CASR: variants seen among roughly 807,000 people sequenced by gnomAD.
CASR encodes calcium sensing receptor.
CASR carries 23 observed loss-of-function variants against 69.1 expected under a neutral mutation model. The observed-to-expected ratio is 0.33, with a 90% CI of 0.24 to 0.47. The LOEUF (loss-of-function observed/expected upper bound fraction) is 0.47. CASR is among the 20% of genes least tolerant of loss of function. The pLI is 1.00. For missense variants in CASR, 924 were observed against 1,356.1 expected (o/e 0.68, Z 5.00); for synonymous variants, 541 against 544.7 (o/e 0.99, Z 0.10).
chr3:122,193,955 T>C (rs1305933469), intron 1 of CASR, among the ~76,000 whole-genome samples: 2 of 152,118 alleles, frequency 1.3e-5, no homozygotes, highest in Admixed American at 6.5e-5. Flanking sequence ...TAACCCTCAT[T>C]TAAGTGATGA....
chr3:122,247,248 T>C (rs919775114), intron 1 of CASR: 5 of 152,200 alleles, frequency 3.3e-5, no homozygotes, highest in African/African-American at 9.7e-5. Flanking sequence ...AGGAGGCATA[T>C]GTGCTCCTGT....
chr3:122,191,934 A>G (rs891330612), intron 1 of CASR, among the ~76,000 whole-genome samples: 7 of 152,258 alleles, frequency 4.6e-5, no homozygotes, highest in Non-Finnish European at 7.3e-5. Flanking sequence ...GGAGTGGGGC[A>G]CAATGGAAAC....
At chr3:122,281,584 T>C (rs1310875155) in intron 5 of CASR, among the ~76,000 whole-genome samples, 1 of 152,228 alleles carries the variant, frequency 6.6e-6, no homozygotes, top group Admixed American at 6.5e-5. Flanking sequence ...CAATAGTTTG[T>C]GTTGGATTTC....
In CASR at chr3:122,275,814, C is replaced by T; in HGVS notation, c.1380C>T (p.Val460=). The T allele has an allele frequency of 6.2e-7, 1 of 1,607,634 alleles. No homozygotes were observed. Among genetic ancestry groups the T allele is most frequent in the Non-Finnish European group, 8.5e-7 (1 of 1,174,240 alleles). Residue 460 remains valine, a splice_region_variant and synonymous_variant, in exon 5 of 7, where the codon GTC becomes GTT. Coordinates refer to ENST00000639785, the MANE Select transcript of CASR (RefSeq NM_000388.4). Reference sequence around the variant, plus strand: ...ACTCATTCTTTGCTCCTCTTTAGGTCCTGAAGCACCTACGGCATCTAAACT... The same window carrying T: ...ACTCATTCTTTGCTCCTCTTTAGGTTCTGAAGCACCTACGGCATCTAAACT... ...ADIKKVEAWQ[V]LKHLRHLNFT... is the part of the protein sequence containing the mutation.
chr3:122,289,493 G>A lies in CASR; in HGVS notation c.*4302G>A, dbSNP rs2074993678. ...GGGTAGAACCTGTCACAGGAATAAA[G>A]GTGCATTCCAAGGATCCAAAGAAGA... is the stretch of plus-strand genomic sequence containing the variant. On this transcript the variant is annotated 3_prime_UTR_variant, in exon 7 of 7. Coordinates refer to ENST00000639785, the MANE Select transcript of CASR (RefSeq NM_000388.4). 6.6e-6 allele frequency: 1 copy of A among 152,326 alleles called. No homozygotes were observed. 9.4% of individuals were successfully genotyped at this position (152,326 alleles called of 1,614,324 possible).
chr3:122,228,014 G>T (rs540264194), intron 1 of CASR, among the ~76,000 whole-genome samples: 253 of 152,354 alleles, frequency 1.7e-3, no homozygotes, highest in African/African-American at 5.8e-3. Flanking sequence ...ATATGCCTGT[G>T]AAGGACACCA....
Position 122,202,436 on chromosome 3 carries a change from A to G in CASR, c.-243+18624A>G, listed in dbSNP as rs1440360151. 1.4e-3 allele frequency among the ~76,000 whole-genome samples: 205 copies of G among 150,906 alleles called. 1 individual carries two copies. Among genetic ancestry groups the G allele is most frequent in the East Asian group, 4.7e-3 (24 of 5,080 alleles). ...AGAGAGGGAGAGGGAGACCGTGGAA[A>G]GAGAGGGAGAGGGAGACCATGGGGA... On this transcript the variant is annotated intron_variant, in intron 1 of 6. Transcript: ENST00000639785.
intron 1 of CASR, among the ~76,000 whole-genome samples, chr3:122,240,396 C>A (rs943913219): frequency 1.3e-5 from 2 of 152,154 alleles, no homozygotes; most frequent in Non-Finnish European, 2.9e-5. Flanking sequence ...ATACTTATAT[C>A]ACATGAAATG....
intron 1 of CASR, chr3:122,184,260 C>T (rs1437437243): frequency 6.5e-6 from 1 of 153,362 alleles, no homozygotes; most frequent in Non-Finnish European, 1.5e-5. Flanking sequence ...AGGGGGCAAG[C>T]GGGCGGGGAG....
chr3:122,202,174 C>G (rs1445617477), intron 1 of CASR, among the ~76,000 whole-genome samples: 2 of 152,186 alleles, frequency 1.3e-5, no homozygotes, highest in Admixed American at 1.3e-4. Flanking sequence ...CCCGGCACCT[C>G]GGGAGGCCAA....
At chr3:122,251,468 G>A (rs1021622347) in intron 1 of CASR, among the ~76,000 whole-genome samples, 13 of 152,158 alleles carry the variant, frequency 8.5e-5, no homozygotes, top group African/African-American at 1.7e-4. Flanking sequence ...ACTCAAAGCC[G>A]TGTGCTCCCC....
In CASR at chr3:122,285,231, G is replaced by A; in HGVS notation, c.*40G>A. 6.3e-7 allele frequency: 1 copy of A among 1,587,574 alleles called. No individual in the cohort carries two copies. On this transcript the variant is annotated 3_prime_UTR_variant, in exon 7 of 7. Transcript: ENST00000639785. The stretch of plus-strand genomic sequence containing the variant: ...ACTGGGCTAGGGAGAATGCAGAGAG[G>A]TTTCTTGGGGTCCCAGGGAAGAGGA...
intron 1 of CASR, among the ~76,000 whole-genome samples, chr3:122,188,557 C>T (rs1245212958): frequency 6.6e-6 from 1 of 152,204 alleles, no homozygotes; most frequent in Non-Finnish European, 1.5e-5. Flanking sequence ...TGTGTCTGAA[C>T]ATAAAATAGG....
At chr3:122,245,959 A>G (rs924749889) in intron 1 of CASR, among the ~76,000 whole-genome samples, 1 of 152,194 alleles carries the variant, frequency 6.6e-6, no homozygotes, top group African/African-American at 2.4e-5. Flanking sequence ...TCGGGGGGAA[A>G]AAATTACTTC....
At chr3:122,234,957 A>G (rs1346114698) in intron 1 of CASR, among the ~76,000 whole-genome samples, 2 of 152,236 alleles carry the variant, frequency 1.3e-5, no homozygotes, top group Admixed American at 1.3e-4. Flanking sequence ...CTGAGAGTGC[A>G]CTGCATCAGC....
At chr3:122,250,131 G>A (rs893333938) in intron 1 of CASR, among the ~76,000 whole-genome samples, 11 of 152,136 alleles carry the variant, frequency 7.2e-5, no homozygotes, top group African/African-American at 2.4e-4. Context: ...CGAAGGCACT[G>A]GCCACAGGAG....
chr3:122,217,108 A>T (rs1024338823), intron 1 of CASR, among the ~76,000 whole-genome samples: 7 of 146,826 alleles, frequency 4.8e-5, no homozygotes, highest in Non-Finnish European at 9.0e-5. Flanking sequence ...GGAAAGTAAA[A>T]TTTTTTTTTT....
chr3:122,261,775 C>CT lies in CASR; in HGVS notation c.741dup (p.Asp248Ter). The CT allele has an allele frequency of 1.2e-6, 2 of 1,614,220 alleles. No individual in the cohort carries two copies. The highest frequency in any genetic ancestry group is 1.7e-6 in the Non-Finnish European group (2 of 1,180,030). ...TTCAGTGAACTCATCTCCCAGTACT[C>CT]TGATGAGGAAGAGATCCAGCATGTG... On this transcript the variant is annotated frameshift_variant, in exon 4 of 7. Transcript: ENST00000639785. LOFTEE classifies it high-confidence loss of function.
In CASR at chr3:122,283,866, C is replaced by T. The variant is rs1185593894; in HGVS notation, c.1912C>T (p.Arg638Cys). 14 of 1,613,936 alleles carry T rather than the reference C, an allele frequency of 8.7e-6. No individual in the cohort carries two copies. Among genetic ancestry groups the T allele is most frequent in the South Asian group, 7.7e-5 (7 of 91,058 alleles). The change falls in exon 7 of 7, where the codon CGC becomes TGC. Residue 638 changes from arginine to cysteine, a missense_variant. Around this residue, in one of 8 missense-constraint regions of CASR, gnomAD observed 184 missense variants for 278.8 expected, o/e 0.66. Transcript: ENST00000639785. ...AFVLGVFIKF[R>C]NTPIVKATNR... ...TGTGCTGGGTGTGTTTATCAAGTTC[C>T]GCAACACACCCATTGTCAAGGCCAC...
Sources: gnomAD v4.1 joint callset for allele counts (sites outside exome capture counted in the v4.1 genomes callset) on GRCh38, gnomAD v4.1.1 for gene constraint, gnomAD v4.1.1 regional missense constraint, MANE v1.5 for transcripts, NCBI Gene and HGNC (gene_info 2026-07-23, HGNC 2026-07-21) for gene names.